The following GRID1 variants were observed in gnomAD, a reference collection of about 807,000 sequenced individuals.
GRID1 encodes glutamate receptor ionotropic, delta-1.
In GRID1, 28 loss-of-function variants were observed where a neutral mutation model predicts 98.0. The ratio of observed to expected loss-of-function variants is 0.29; its 90% CI spans 0.21 to 0.39. The LOEUF is 0.39. GRID1 is among the 10% of genes least tolerant of loss of function. The probability of loss-of-function intolerance (pLI) is 1.00; values close to 1 mark genes in which losing one functional copy is unlikely to be tolerated. For missense variants in GRID1, 1,111 were observed against 1,340.5 expected (o/e 0.83, Z 2.67); for synonymous variants, 553 against 538.5 (o/e 1.03, Z -0.37).
At position 85,784,438 on chromosome 10, in the gene GRID1, T is replaced by C. The variant is rs74741024; in HGVS notation, c.1234-54824A>G. 5.5e-3 allele frequency among the ~76,000 whole-genome samples: 842 copies of C among 152,278 alleles called. 10 individuals carry two copies. The highest frequency in any genetic ancestry group is 0.018 in the African/African-American group (765 of 41,544). ...GGGAGTTCTTCCTAGGGGACAGAAC[T>C]AGAGTCTGTCCGGGGCACTCTGTCC... is the stretch of plus-strand genomic sequence containing the variant. On this transcript the variant is annotated intron_variant, in intron 8 of 15. Transcript: ENST00000327946.
intron 12 of GRID1, among the ~76,000 whole-genome samples, chr10:85,666,175 T>C (rs1032159506): frequency 6.6e-6 from 1 of 152,238 alleles, no homozygotes; most frequent in Non-Finnish European, 1.5e-5. Context: ...CAGACTATAC[T>C]GACAGAGATA....
At chr10:86,138,795 A>C in intron 4 of GRID1, 24 bp downstream of exon 4, 2 of 1,590,896 alleles carry the variant, frequency 1.3e-6, no homozygotes, top group Non-Finnish European at 1.7e-6. Context: ...CAGGCCCCTG[A>C]GGCCTCAGGC....
chr10:85,756,337 T>C (rs1590218472), intron 8 of GRID1, among the ~76,000 whole-genome samples: 1 of 152,204 alleles, frequency 6.6e-6, no homozygotes, highest in East Asian at 1.9e-4. Flanking sequence ...TCTTTCCTTA[T>C]TATGTCTAGA....
chr10:86,135,056 C>T (rs1203257582), intron 4 of GRID1, among the ~76,000 whole-genome samples: 1 of 152,248 alleles, frequency 6.6e-6, no homozygotes, highest in Non-Finnish European at 1.5e-5. Context: ...AAAGCTCCAG[C>T]AGCCACCAGC....
chr10:86,035,870 AG>A (rs1232785327), intron 4 of GRID1, among the ~76,000 whole-genome samples: 1 of 152,214 alleles, frequency 6.6e-6, no homozygotes, highest in Admixed American at 6.5e-5. Flanking sequence ...AGAATAAAAT[AG>A]GGGTGGTAAA....
intron 3 of GRID1, among the ~76,000 whole-genome samples, chr10:86,174,301 T>C (rs1845541055): frequency 6.6e-6 from 1 of 152,018 alleles, no homozygotes; most frequent in South Asian, 2.1e-4. Flanking sequence ...GAGATATAGA[T>C]CAATGGAACA....
chr10:85,672,054 AAGCAGCAAGTGCTGATGG>A (rs1389609408), intron 12 of GRID1, among the ~76,000 whole-genome samples: 4 of 152,240 alleles, frequency 2.6e-5, no homozygotes, highest in Non-Finnish European at 5.9e-5. Context: ...GTGCAAGGTG[AAGCAGCAAGTGCTGATGG>A]AGCAGCAAGT....
intron 15 of GRID1, among the ~76,000 whole-genome samples, chr10:85,610,774 G>C (rs1353067841): frequency 2.0e-5 from 3 of 152,180 alleles, no homozygotes; most frequent in Non-Finnish European, 4.4e-5. Flanking sequence ...AAGGAAGAAA[G>C]GGAGAGAGGG....
At chr10:86,049,909 CA>C (rs1843477975) in intron 4 of GRID1, among the ~76,000 whole-genome samples, 1 of 152,186 alleles carries the variant, frequency 6.6e-6, no homozygotes, top group African/African-American at 2.4e-5. Context: ...AGCTGGTTTG[CA>C]AAGGTGAGAC....
chr10:85,854,464 G>A (rs779864729), intron 8 of GRID1, 32 bp downstream of exon 8: 23 of 1,610,058 alleles, frequency 1.4e-5, no homozygotes, highest in Non-Finnish European at 1.6e-5. Flanking sequence ...ACCATAGCAG[G>A]AAGATTGGAA....
At chr10:86,139,115 T>C (rs1296832460) in intron 3 of GRID1, 91 bp from the exon 4 acceptor site, 5 of 850,058 alleles carry the variant, frequency 5.9e-6, no homozygotes, top group Non-Finnish European at 9.7e-6. Flanking sequence ...GTTCCACCCA[T>C]GCAGGCCACC....
intron 2 of GRID1, among the ~76,000 whole-genome samples, chr10:86,211,941 T>G (rs953956826): frequency 6.6e-6 from 1 of 151,512 alleles, no homozygotes; most frequent in Non-Finnish European, 1.5e-5. Context: ...AGGGAAGGAG[T>G]AGGCAGGCAG....
intron 4 of GRID1, among the ~76,000 whole-genome samples, chr10:86,036,900 T>C (rs1174617570): frequency 6.6e-6 from 1 of 152,194 alleles, no homozygotes; most frequent in Non-Finnish European, 1.5e-5. Context: ...GTAGGCTACA[T>C]TACAAATCAA....
chr10:86,339,153 C>T (rs573376175), intron 2 of GRID1, among the ~76,000 whole-genome samples: 5 of 152,314 alleles, frequency 3.3e-5, no homozygotes, highest in Admixed American at 2.0e-4. Flanking sequence ...AAACAAGACA[C>T]CAGTGAACAT....
chr10:86,157,732 G>T (rs1389211152), intron 3 of GRID1, among the ~76,000 whole-genome samples: 1 of 152,196 alleles, frequency 6.6e-6, no homozygotes, highest in Non-Finnish European at 1.5e-5. Context: ...TGACAGTGAG[G>T]TTACCCTAGG....
chr10:86,089,927 A>G (rs1227459098), intron 4 of GRID1, among the ~76,000 whole-genome samples: 1 of 152,106 alleles, frequency 6.6e-6, no homozygotes. Flanking sequence ...TTGTATTTTT[A>G]GTAGAGATGG....
At chr10:85,868,483 C>A (rs974298004) in intron 6 of GRID1, among the ~76,000 whole-genome samples, 2 of 152,184 alleles carry the variant, frequency 1.3e-5, no homozygotes, top group Non-Finnish European at 1.5e-5. Flanking sequence ...AGGAACCATG[C>A]GGGTGGGGTT....
intron 2 of GRID1, among the ~76,000 whole-genome samples, chr10:86,264,311 A>G (rs1383755345): frequency 1.3e-5 from 2 of 152,158 alleles, no homozygotes; most frequent in Middle Eastern, 3.2e-3. Flanking sequence ...GTTCTCTACA[A>G]CATTTCCTTG....
At chr10:86,320,738 T>G (rs1159540851) in intron 2 of GRID1, among the ~76,000 whole-genome samples, 1 of 152,146 alleles carries the variant, frequency 6.6e-6, no homozygotes, top group Non-Finnish European at 1.5e-5. Context: ...AGGAAAATGC[T>G]CCAAATATGG....
Sources: allele counts gnomAD v4.1 joint callset (sites outside exome capture counted in the v4.1 genomes callset), GRCh38; gene constraint gnomAD v4.1.1; transcripts MANE v1.5; gene names NCBI Gene and HGNC (gene_info 2026-07-23, HGNC 2026-07-21).